SORBS2: variants seen among roughly 807,000 people sequenced by gnomAD.
SORBS2 encodes sorbin and SH3 domain containing 2.
A neutral mutation model predicts 97.7 loss-of-function variants in SORBS2; 46 were observed. That is an observed-to-expected ratio of 0.47 (90% CI 0.37 to 0.60). SORBS2 has a LOEUF of 0.60. SORBS2 is among the 20% of genes least tolerant of loss of function. SORBS2 has a pLI of 0.00. For synonymous variants in SORBS2, 476 were observed against 473.4 expected, an observed-to-expected ratio of 1.01 and a Z score of -0.07; for missense variants, 1,316 against 1,282.3, an observed-to-expected ratio of 1.03 and a Z score of -0.40.
chr4:185,943,367 A>T (rs10020577), intron 1 of SORBS2, among the ~76,000 whole-genome samples: 19,813 of 152,266 alleles, frequency 0.13, 1,584 homozygotes, highest in Middle Eastern at 0.24. Context: ...CAACTGCAGC[A>T]TCACTGAATT....
rs1561261006 is a variant in SORBS2, at chr4:185,878,387, C to G, written c.-338+77809G>C. 2.6e-5 allele frequency among the ~76,000 whole-genome samples: 4 copies of G among 152,268 alleles called. No homozygotes were observed. The South Asian group carries it at 8.3e-4, about 32-fold the overall frequency. On this transcript the variant is annotated intron_variant, in intron 1 of 20. Transcript: ENST00000284776. ...CTAAAAGCAAAGCAAGTGTGTGATT[C>G]AAGCCCACCTCTCCGCACTTCACCT... is the stretch of plus-strand genomic sequence containing the variant.
At chr4:185,654,814 T>TTA (rs397755275) in intron 1 of SORBS2, among the ~76,000 whole-genome samples, 1 of 151,862 alleles carries the variant, frequency 6.6e-6, no homozygotes, top group African/African-American at 2.4e-5. Context: ...TGCCGTTTTT[T>TTA]CTACAACCTT....
chr4:185,940,665 C>T (rs1486848962), intron 1 of SORBS2, among the ~76,000 whole-genome samples: 2 of 152,226 alleles, frequency 1.3e-5, no homozygotes, highest in East Asian at 3.8e-4. Flanking sequence ...CATAATCTTA[C>T]TCTTCTCCAC....
intron 4 of SORBS2, among the ~76,000 whole-genome samples, chr4:185,642,854 C>T (rs58641053): frequency 0.014 from 2,061 of 152,260 alleles, 57 homozygotes; most frequent in African/African-American, 0.047. Flanking sequence ...GTGTCAAACC[C>T]CTCCAAGAAT....
At chr4:185,726,910 C>T (rs1291212679) in intron 2 of SORBS2, among the ~76,000 whole-genome samples, 1 of 152,042 alleles carries the variant, frequency 6.6e-6, no homozygotes, top group African/African-American at 2.4e-5. Context: ...AAATAGGAGA[C>T]ACATTTCTGG....
chr4:185,863,157 A>C (rs999839995), intron 1 of SORBS2, among the ~76,000 whole-genome samples: 1 of 152,182 alleles, frequency 6.6e-6, no homozygotes, highest in African/African-American at 2.4e-5. Context: ...TTTTTACATT[A>C]GGGGAAACAC....
At chr4:185,726,474 A>G (rs1333370736) in intron 2 of SORBS2, among the ~76,000 whole-genome samples, 1 of 152,160 alleles carries the variant, frequency 6.6e-6, no homozygotes, top group Non-Finnish European at 1.5e-5. Flanking sequence ...AATAATAACC[A>G]AAGTTTTCAG....
chr4:185,593,246 A>C (rs1363213112), intron 13 of SORBS2: 1 of 152,378 alleles, frequency 6.6e-6, no homozygotes, highest in Admixed American at 6.5e-5. Context: ...TCAGGGACAA[A>C]ATGGGCCCGA....
chr4:185,672,929 T>C (rs2097734560), intron 4 of SORBS2, among the ~76,000 whole-genome samples: 1 of 152,146 alleles, frequency 6.6e-6, no homozygotes, highest in African/African-American at 2.4e-5. Context: ...GACTTAAAAA[T>C]GAAGCATATC....
At position 185,866,616 on chromosome 4, in the gene SORBS2, GAC is replaced by G. The variant is rs1165655684; in HGVS notation, c.-338+89578_-338+89579del. Among the ~76,000 whole-genome samples, 3 of 152,290 alleles carry G rather than the reference GAC, an allele frequency of 2.0e-5. No homozygotes were observed. In the East Asian group the frequency reaches 5.8e-4, roughly 29 times the overall value. ...AAGAATTATTTCTAGGCAAAACAGAGACAGTTTCACCTCATTTCTCTTTTTTC... is the reference window on the plus strand; with the variant it reads ...AAGAATTATTTCTAGGCAAAACAGAGAGTTTCACCTCATTTCTCTTTTTTC... On this transcript the variant is annotated intron_variant, in intron 1 of 20. Coordinates refer to the SORBS2 transcript ENST00000284776.
intron 12 of SORBS2, among the ~76,000 whole-genome samples, chr4:185,595,901 A>G (rs865912133): frequency 1.3e-5 from 2 of 152,130 alleles, no homozygotes; most frequent in Non-Finnish European, 1.5e-5. Flanking sequence ...CATTAAAGCC[A>G]TATGATTTTG....
chr4:185,936,512 T>C (rs903372215), intron 1 of SORBS2, among the ~76,000 whole-genome samples: 3 of 152,216 alleles, frequency 2.0e-5, no homozygotes, highest in Non-Finnish European at 4.4e-5. Context: ...AGACAGAGAA[T>C]TGAATGTTCA....
At chr4:185,698,251 G>A (rs940429030) in intron 2 of SORBS2, among the ~76,000 whole-genome samples, 1 of 152,168 alleles carries the variant, frequency 6.6e-6, no homozygotes, top group Non-Finnish European at 1.5e-5. Context: ...CGAGGCAGGA[G>A]GGTCACTTGA....
intron 2 of SORBS2, among the ~76,000 whole-genome samples, chr4:185,737,237 G>A (rs956845595): frequency 6.6e-6 from 1 of 152,178 alleles, no homozygotes; most frequent in Non-Finnish European, 1.5e-5. Flanking sequence ...CAAGTTCCAG[G>A]TTGGGGGTAT....
intron 2 of SORBS2, among the ~76,000 whole-genome samples, chr4:185,717,621 A>T (rs1205153495): frequency 6.6e-6 from 1 of 152,206 alleles, no homozygotes; most frequent in Non-Finnish European, 1.5e-5. Flanking sequence ...ATAAAGTACC[A>T]CAAACTGAGG....
intron 1 of SORBS2, among the ~76,000 whole-genome samples, chr4:185,871,386 G>A (rs934973761): frequency 1.3e-5 from 2 of 152,186 alleles, no homozygotes; most frequent in African/African-American, 4.8e-5. Flanking sequence ...CACTAAGAGA[G>A]CTTAGGTAAC....
At position 185,606,679 on chromosome 4, in the gene SORBS2, T is replaced by A; in HGVS notation, c.2796+5101A>T. Reference sequence around the variant, plus strand: ...GTGTTTTAGGCAGTTGGGTTTCTCCTCCTCCTCCTCCTCTTCAATGTGCAG... The same window carrying A: ...GTGTTTTAGGCAGTTGGGTTTCTCCACCTCCTCCTCCTCTTCAATGTGCAG... On this transcript the variant is annotated intron_variant, in intron 12 of 14. Transcript: ENST00000418609. The surrounding 1 kb of genome is among the most constrained non-coding windows in gnomAD (Gnocchi z 4.3). 1.0e-6 allele frequency: 1 copy of A among 985,210 alleles called. No individual in the cohort carries two copies. Among genetic ancestry groups the A allele is most frequent in the Non-Finnish European group, 1.2e-6 (1 of 829,798 alleles). 61.0% of individuals were successfully genotyped at this position (985,210 alleles called of 1,614,324 possible). A position where few individuals can be genotyped will look rare whatever the true frequency, so the allele number is the denominator to read the frequency against.
At chr4:185,682,735 G>A (rs924010378) in intron 2 of SORBS2, among the ~76,000 whole-genome samples, 61 of 152,262 alleles carry the variant, frequency 4.0e-4, no homozygotes, top group Middle Eastern at 3.4e-3. Flanking sequence ...AGGGGGCCAG[G>A]TGTAGTGGCT....
intron 1 of SORBS2, among the ~76,000 whole-genome samples, chr4:185,860,625 A>T (rs9997306): frequency 0.021 from 3,175 of 152,272 alleles, 94 homozygotes; most frequent in African/African-American, 0.071. Flanking sequence ...ACATGTACCC[A>T]AGGTGGCTGG....
Sources: allele counts gnomAD v4.1 joint callset (sites outside exome capture counted in the v4.1 genomes callset), GRCh38; gene constraint gnomAD v4.1.1; non-coding constraint Gnocchi (gnomAD v3.1); transcripts MANE v1.5; gene names NCBI Gene and HGNC (gene_info 2026-07-23, HGNC 2026-07-21).